PDLIM5: variants seen among roughly 807,000 people sequenced by gnomAD.
PDLIM5 encodes PDZ and LIM domain 5.
PDLIM5 carries 34 observed loss-of-function variants against 64.2 expected under a neutral mutation model. The ratio of observed to expected loss-of-function variants is 0.53; its 90% CI spans 0.40 to 0.71. The LOEUF is 0.71. Among genes scored for constraint, PDLIM5 ranks in the 30% least tolerant of loss-of-function variants. PDLIM5 has a pLI of 0.00. For missense variants in PDLIM5, 683 were observed against 733.6 expected, an observed-to-expected ratio of 0.93 and a Z score of 0.80; for synonymous variants, 253 against 269.1, an observed-to-expected ratio of 0.94 and a Z score of 0.59.
intron 8 of PDLIM5, among the ~76,000 whole-genome samples, chr4:94,635,507 A>G (rs961501747): frequency 2.0e-5 from 3 of 152,126 alleles, no homozygotes; most frequent in South Asian, 4.1e-4. Flanking sequence ...TCCTTAAGCT[A>G]TCTCTAAAGA....
At chr4:94,653,754 G>A (rs1251195442) in intron 9 of PDLIM5, among the ~76,000 whole-genome samples, 1 of 151,962 alleles carries the variant, frequency 6.6e-6, no homozygotes, top group Non-Finnish European at 1.5e-5. Context: ...TTAAGAGAGT[G>A]GATCTCATTT....
At chr4:94,531,339 T>C (rs991651898) in intron 3 of PDLIM5, among the ~76,000 whole-genome samples, 32 of 152,180 alleles carry the variant, frequency 2.1e-4, no homozygotes, top group Non-Finnish European at 3.8e-4. Flanking sequence ...TGTGAATTTT[T>C]TTTTTCTTAC....
intron 3 of PDLIM5, among the ~76,000 whole-genome samples, chr4:94,561,560 T>C (rs1260351625): frequency 1.3e-5 from 2 of 152,208 alleles, no homozygotes; most frequent in Non-Finnish European, 2.9e-5. Context: ...TTCTATGCAC[T>C]GGTTGTTATC....
intron 3 of PDLIM5, among the ~76,000 whole-genome samples, chr4:94,533,568 G>A (rs1057301799): frequency 2.0e-5 from 3 of 152,182 alleles, no homozygotes; most frequent in African/African-American, 7.2e-5. Flanking sequence ...CCAAATCCTG[G>A]TTTCACCATT....
chr4:94,455,016 G>C (rs1404045329), intron 1 of PDLIM5, among the ~76,000 whole-genome samples: 1 of 152,194 alleles, frequency 6.6e-6, no homozygotes, highest in Non-Finnish European at 1.5e-5. Context: ...AACATACTAA[G>C]TGTCTAGAAA....
chr4:94,483,583 T>A (rs368944538), intron 2 of PDLIM5, among the ~76,000 whole-genome samples: 1 of 152,198 alleles, frequency 6.6e-6, no homozygotes, highest in African/African-American at 2.4e-5. Context: ...AGTACTTTAT[T>A]TCTTGCAGTT....
chr4:94,488,325 C>G (rs1260736786), intron 2 of PDLIM5, among the ~76,000 whole-genome samples: 5 of 152,140 alleles, frequency 3.3e-5, no homozygotes, highest in Non-Finnish European at 7.3e-5. Context: ...ATATGACTTA[C>G]AAAATTCATT....
chr4:94,489,888 A>G (rs1003892122), intron 2 of PDLIM5, among the ~76,000 whole-genome samples: 3 of 152,060 alleles, frequency 2.0e-5, no homozygotes, highest in African/African-American at 7.2e-5. Context: ...AACTTCCCCC[A>G]CAAATACATG....
intron 2 of PDLIM5, chr4:94,456,500 C>T (rs1723381857): frequency 1.4e-6 from 1 of 704,556 alleles, no homozygotes; most frequent in East Asian, 2.7e-5. Context: ...GCCTGGCCCA[C>T]ACTGTTTTAT....
intron 8 of PDLIM5, among the ~76,000 whole-genome samples, chr4:94,637,489 G>T (rs1279132376): frequency 6.6e-6 from 1 of 152,208 alleles, no homozygotes; most frequent in East Asian, 1.9e-4. Flanking sequence ...AACCCTGGAG[G>T]TGGAGGTTGC....
intron 12 of PDLIM5, 87 bp from the exon 13 acceptor site, chr4:94,663,891 A>C (rs1313572862): frequency 7.2e-7 from 1 of 1,390,924 alleles, no homozygotes; most frequent in Admixed American, 2.3e-5. Flanking sequence ...TGGGGGGAAA[A>C]ATCACTCTCT....
At chr4:94,494,429 C>CTTTTTTTTTTTTTTTTTTTTTTTTTTTTT (rs1261064734) in intron 2 of PDLIM5, among the ~76,000 whole-genome samples, 2 of 51,600 alleles carry the variant, frequency 3.9e-5, no homozygotes, top group Admixed American at 3.2e-4. Context: ...TTTTTTTTTT[C>CTTTTTTTTTTTTTTTTTTTTTTTTTTTTT]TTGTTTTTTT....
intron 2 of PDLIM5, among the ~76,000 whole-genome samples, chr4:94,478,661 TAAAG>T (rs1725549224): frequency 6.6e-6 from 1 of 152,130 alleles, no homozygotes; most frequent in African/African-American, 2.4e-5. Flanking sequence ...GCACGTAAGT[TAAAG>T]GAAGTTATTA....
At chr4:94,634,125 G>A (rs1047553565) in intron 8 of PDLIM5, among the ~76,000 whole-genome samples, 1 of 152,068 alleles carries the variant, frequency 6.6e-6, no homozygotes, top group East Asian at 1.9e-4. Flanking sequence ...TGAGTTAAAC[G>A]GTCACTATTG....
intron 2 of PDLIM5, among the ~76,000 whole-genome samples, chr4:94,486,828 C>A (rs1209308366): frequency 6.6e-6 from 1 of 152,014 alleles, no homozygotes; most frequent in Non-Finnish European, 1.5e-5. Flanking sequence ...AGAGCAAGAC[C>A]CTGTCTCTAC....
rs374033601 is a variant in PDLIM5, at chr4:94,457,617, C to G, written c.96+2233C>G. The stretch of plus-strand genomic sequence containing the variant: ...CTAAATGAGCCAAACTTAATTATCA[C>G]TTTGTTGTGTGGTAATAGAAATGCA... On this transcript the variant is annotated intron_variant, in intron 2 of 12. Coordinates refer to ENST00000317968, the MANE Select transcript of PDLIM5 (RefSeq NM_006457.5). 5.9e-5 allele frequency among the ~76,000 whole-genome samples: 9 copies of G among 152,248 alleles called. No individual in the cohort carries two copies. The South Asian group carries it at 1.9e-3, about 32-fold the overall frequency.
At chr4:94,491,543 G>A (rs1360417579) in intron 2 of PDLIM5, among the ~76,000 whole-genome samples, 1 of 151,896 alleles carries the variant, frequency 6.6e-6, no homozygotes, top group African/African-American at 2.4e-5. Flanking sequence ...TGCCTTTCGA[G>A]ATTTTCAATG....
chr4:94,606,079 A>G (rs889933541), intron 7 of PDLIM5, among the ~76,000 whole-genome samples: 3 of 152,182 alleles, frequency 2.0e-5, no homozygotes, highest in South Asian at 4.1e-4. Flanking sequence ...AGAAGGTACA[A>G]ATACTTTTCA....
intron 5 of PDLIM5, chr4:94,577,467 A>G (rs1434366809): frequency 1.8e-5 from 1 of 56,838 alleles, no homozygotes; most frequent in South Asian, 7.4e-5. Context: ...TAAAGTTCTG[A>G]TATATATATA....
Sources: allele counts gnomAD v4.1 joint callset (sites outside exome capture counted in the v4.1 genomes callset), GRCh38; gene constraint gnomAD v4.1.1; transcripts MANE v1.5; gene names NCBI Gene and HGNC (gene_info 2026-07-23, HGNC 2026-07-21).